Variants in SLC9A6 observed in about 807,000 individuals in gnomAD.
The protein encoded by SLC9A6 is sodium/hydrogen exchanger 6.
A neutral mutation model predicts 45.3 loss-of-function variants in SLC9A6; 6 were observed. The observed-to-expected ratio is 0.13, with a 90% CI of 0.07 to 0.26. SLC9A6 has a LOEUF of 0.26. SLC9A6 is among the 10% of genes least tolerant of loss of function. SLC9A6 has a pLI of 1.00. For synonymous variants in SLC9A6, 191 were observed against 187.7 expected (o/e 1.02, Z -0.14); for missense variants, 278 against 503.7 (o/e 0.55, Z 4.29).
At chrX:136,010,229 C>CA (rs782274004) in intron 7 of SLC9A6, 4 of 324,038 alleles carry the variant, frequency 1.2e-5, no homozygotes, top group South Asian at 3.8e-5. Flanking sequence ...GTTCTACCCC[C>CA]CCCCCGAAAT....
At chrX:136,035,256 T>C (rs781800710) in intron 16 of SLC9A6, among the ~76,000 whole-genome samples, 1 of 112,161 alleles carries the variant, frequency 8.9e-6, no homozygotes, top group East Asian at 2.8e-4. Context: ...GAATCTTAAG[T>C]GTACAGCTTA....
upstream of SLC9A6, among the ~76,000 whole-genome samples, chrX:135,981,446 G>A (rs2089285090): frequency 1.8e-5 from 2 of 111,314 alleles, no homozygotes; most frequent in Admixed American, 9.5e-5. Context: ...AGATTTGGAT[G>A]GGGAGACAGA....
chrX:135,986,327 C>G (rs1341839681), intron 2 of SLC9A6, among the ~76,000 whole-genome samples: 2 of 110,845 alleles, frequency 1.8e-5, no homozygotes, highest in Non-Finnish European at 3.8e-5. Flanking sequence ...CTGCTACGCC[C>G]TGTCCTTTCG....
intron 1 of SLC9A6, among the ~76,000 whole-genome samples, chrX:135,976,644 A>C (rs1397579416): frequency 2.7e-5 from 3 of 111,593 alleles, no homozygotes; most frequent in Non-Finnish European, 5.6e-5. Context: ...TTTTAATATC[A>C]ATTTATCTGA....
At chrX:136,002,842 G>A (rs1436045099) in intron 7 of SLC9A6, among the ~76,000 whole-genome samples, 4 of 111,531 alleles carry the variant, frequency 3.6e-5, no homozygotes, top group Non-Finnish European at 5.6e-5. Flanking sequence ...ACAGGCGTGA[G>A]CCACTGTGCC....
chrX:135,974,652 C>T (rs1556613126), exon 1 of SLC9A6: 2 of 341,431 alleles, frequency 5.9e-6, no homozygotes, highest in South Asian at 2.6e-5. Flanking sequence ...TCCTGTGCTT[C>T]AGCTCCCTGG....
intron 17 of SLC9A6, among the ~76,000 whole-genome samples, chrX:136,041,961 A>T (rs782047629): frequency 9.1e-6 from 1 of 110,217 alleles, no homozygotes; most frequent in South Asian, 3.9e-4. Flanking sequence ...TCATCTTCAC[A>T]TGGGGTTCTA....
intron 12 of SLC9A6, 151 bp from the exon 13 acceptor site, chrX:136,024,179 G>A (rs1450534420): frequency 1.7e-6 from 1 of 579,981 alleles, no homozygotes; most frequent in African/African-American, 2.2e-5. Flanking sequence ...GAGCCACCAT[G>A]CACAGCCTGG....
Position 136,045,944 on chromosome X carries a change from A to AT in SLC9A6, c.*1231dup, listed in dbSNP as rs372297122. 0.033 allele frequency: 3,515 copies of AT among 104,989 alleles called. 53 individuals are homozygous for AT. The highest frequency in any genetic ancestry group is 0.12 in the South Asian group (290 of 2,447). The allele number at this position is 104,989 out of a possible 1,213,427, so 8.7% of individuals were successfully genotyped here. A position where few individuals can be genotyped will look rare whatever the true frequency, so the allele number is the denominator to read the frequency against. ...ATATTAATTACCTAAGCTGCCATGC[A>AT]TTTTTTTTTTTACAGTTCTCAAGGA... On this transcript the variant is annotated 3_prime_UTR_variant, in exon 18 of 18. Coordinates refer to ENST00000630721, the MANE Select transcript of SLC9A6 (RefSeq NM_001379110.1).
intron 3 of SLC9A6, 64 bp from the exon 4 acceptor site, chrX:135,998,044 C>T (rs1313936359): frequency 1.0e-5 from 6 of 602,216 alleles, no homozygotes; most frequent in Non-Finnish European, 1.7e-5. Context: ...TCTTTTTGAT[C>T]ATTTGATAAT....
At chrX:136,002,975 T>C (rs1229483819) in intron 7 of SLC9A6, among the ~76,000 whole-genome samples, 1 of 110,587 alleles carries the variant, frequency 9.0e-6, no homozygotes, top group Non-Finnish European at 1.9e-5. Flanking sequence ...TCCCCCTAGT[T>C]CCTTGTAGAT....
At chrX:136,003,105 C>T (rs1299410725) in intron 7 of SLC9A6, among the ~76,000 whole-genome samples, 4 of 109,747 alleles carry the variant, frequency 3.6e-5, no homozygotes, top group African/African-American at 1.3e-4. Context: ...TCTTCTGCCT[C>T]AGCCTCCTGA....
intron 2 of SLC9A6, among the ~76,000 whole-genome samples, chrX:135,990,507 C>T (rs1233182870): frequency 1.8e-5 from 2 of 111,559 alleles, no homozygotes; most frequent in Non-Finnish European, 3.8e-5. Context: ...TTTCAAATAC[C>T]AATTTTTCAG....
chrX:136,030,060 G>A, intron 14 of SLC9A6, 72 bp from the exon 15 acceptor site: 1 of 974,561 alleles, frequency 1.0e-6, no homozygotes, highest in Non-Finnish European at 1.5e-6. Flanking sequence ...GTAGTTGCCT[G>A]ACAATGTATA....
In SLC9A6 at chrX:136,028,305, C is replaced by G. The variant is rs180992057; in HGVS notation, c.1461-581C>G. Among the ~76,000 whole-genome samples, 3 of 112,075 alleles carry G rather than the reference C, an allele frequency of 2.7e-5. No homozygotes were observed. The Admixed American group carries it at 2.8e-4, about 11-fold the overall frequency. On this transcript the variant is annotated intron_variant, in intron 13 of 17. Coordinates refer to ENST00000630721, the MANE Select transcript of SLC9A6 (RefSeq NM_001379110.1). Reference sequence around the variant, plus strand: ...TGATTTATAAGACTGCCTCACTTGACTGAGTTCACACAGCTAGAAAGCAGC... The same window carrying G: ...TGATTTATAAGACTGCCTCACTTGAGTGAGTTCACACAGCTAGAAAGCAGC...
intron 12 of SLC9A6, 57 bp downstream of exon 12, chrX:136,022,754 C>T (rs1556620073): frequency 4.5e-6 from 3 of 673,297 alleles, no homozygotes; most frequent in Non-Finnish European, 7.1e-6. Flanking sequence ...AATGCGTGTG[C>T]CAGCTTGATG....
Position 136,002,254 on chromosome X carries a change from T to C in SLC9A6, c.743+41T>C, listed in dbSNP as rs2089594119. ...CTTATTATATTCTGAATATTAAGTGTGAGGGTACTAGGAACTGAAAGTCAC... is the reference window on the plus strand; with the variant it reads ...CTTATTATATTCTGAATATTAAGTGCGAGGGTACTAGGAACTGAAAGTCAC... On this transcript the variant is annotated intron_variant, in intron 7 of 17. Transcript: ENST00000630721. 5.5e-6 allele frequency: 5 copies of C among 911,798 alleles called. No individual in the cohort carries two copies. The East Asian group carries it at 1.5e-4, about 28-fold the overall frequency. The allele number at this position is 911,798 out of a possible 1,213,427, so 75.1% of individuals were successfully genotyped here. A position where few individuals can be genotyped will look rare whatever the true frequency, so the allele number is the denominator to read the frequency against.
At chrX:135,977,664 C>A (rs56165875) in intron 1 of SLC9A6, among the ~76,000 whole-genome samples, 8,201 of 110,891 alleles carry the variant, frequency 0.074, 334 homozygotes, top group Non-Finnish European at 0.11. Flanking sequence ...TACTACCTGC[C>A]GAGTAAACTA....
intron 3 of SLC9A6, among the ~76,000 whole-genome samples, chrX:135,996,970 G>T (rs987982986): frequency 9.0e-6 from 1 of 110,855 alleles, no homozygotes; most frequent in Non-Finnish European, 1.9e-5. Flanking sequence ...GTTTCACCGT[G>T]TTAGCCAGGA....
Sources: gnomAD v4.1 joint callset for allele counts (sites outside exome capture counted in the v4.1 genomes callset) on GRCh38, gnomAD v4.1.1 for gene constraint, MANE v1.5 for transcripts, NCBI Gene and HGNC (gene_info 2026-07-23, HGNC 2026-07-21) for gene names.